The following MDH1B variants were observed in gnomAD, a reference collection of about 807,000 sequenced individuals.
MDH1B encodes the protein malate dehydrogenase 1B, also known as putative malate dehydrogenase 1B.
A neutral mutation model predicts 61.4 loss-of-function variants in MDH1B; 60 were observed. The observed-to-expected ratio is 0.98, with a 90% CI of 0.79 to 1.21. The LOEUF is 1.21. MDH1B is among the 50% of genes most tolerant of loss of function. The pLI, the probability that MDH1B is intolerant of heterozygous loss-of-function variation, is 0.00. For missense variants in MDH1B, 587 were observed against 632.1 expected, an observed-to-expected ratio of 0.93 and a Z score of 0.76; for synonymous variants, 236 against 218.7, an observed-to-expected ratio of 1.08 and a Z score of -0.70.
At chr2:206,763,480 A>C (rs1689225035) in intron 1 of MDH1B, among the ~76,000 whole-genome samples, 1 of 151,990 alleles carries the variant, frequency 6.6e-6, no homozygotes, top group South Asian at 2.1e-4. Flanking sequence ...TAGTCTCCTA[A>C]CTGGTTTCTT....
chr2:206,753,869 C>T (rs965595055), intron 5 of MDH1B, among the ~76,000 whole-genome samples: 18 of 149,644 alleles, frequency 1.2e-4, no homozygotes, highest in Admixed American at 2.7e-4. Flanking sequence ...CCCAACCCCC[C>T]TCAACCCCAC....
In MDH1B at chr2:206,765,286, CAG is replaced by C. The variant is rs759980276; in HGVS notation, c.-17_-16del. ...AATTTGGCCATGGTCGAGAGAGACT[CAG>C]AGGCAGGGACCGCGGCTTCGCGGTT... On this transcript the variant is annotated 5_prime_UTR_variant, in exon 1 of 12. Transcript: ENST00000374412. 1.3e-6 allele frequency: 2 copies of C among 1,597,970 alleles called. No individual in the cohort carries two copies. The highest frequency in any genetic ancestry group is 1.1e-5 in the South Asian group (1 of 88,934).
intron 2 of MDH1B, among the ~76,000 whole-genome samples, chr2:206,758,674 GA>G (rs1385900869): frequency 6.6e-6 from 1 of 152,086 alleles, no homozygotes; most frequent in Non-Finnish European, 1.5e-5. Context: ...GCTGAGGCAG[GA>G]GAATTGCTTG....
chr2:206,752,792 CT>C (rs35837110), intron 5 of MDH1B, among the ~76,000 whole-genome samples: 95,189 of 140,612 alleles, frequency 0.68, 32,356 homozygotes, highest in East Asian at 0.94. Flanking sequence ...TCCCCTCCTC[CT>C]TTTTTTTTTT....
At chr2:206,758,329 G>A (rs547763671) in intron 2 of MDH1B, among the ~76,000 whole-genome samples, 75 of 152,278 alleles carry the variant, frequency 4.9e-4, no homozygotes, top group Non-Finnish European at 9.8e-4. Context: ...ATCACTTTTC[G>A]GCAATTCAAG....
rs1250670294 is a variant in MDH1B, at chr2:206,746,442, A to ACAAAG, written c.1217-21_1217-17dup. 1 of 1,601,746 alleles carries ACAAAG rather than the reference A, an allele frequency of 6.2e-7. No homozygotes were observed. Among genetic ancestry groups the ACAAAG allele is most frequent in the African/African-American group, 1.3e-5 (1 of 74,446 alleles). ...CCAAACTGGCCTGCAGTGAGCAAAC[A>ACAAAG]CAAAGCAAAGCAATGCAGCAGAACT... On this transcript the variant is annotated splice_polypyrimidine_tract_variant and intron_variant, in intron 7 of 11. Coordinates refer to ENST00000374412, the MANE Select transcript of MDH1B (RefSeq NM_001039845.3).
chr2:206,739,054 G>A (rs1271906432), intron 11 of MDH1B, among the ~76,000 whole-genome samples: 1 of 152,168 alleles, frequency 6.6e-6, no homozygotes, highest in Non-Finnish European at 1.5e-5. Flanking sequence ...CAGATTACTT[G>A]TGTCAATTTC....
chr2:206,748,920 G>A, intron 7 of MDH1B, 100 bp downstream of exon 7: 1 of 953,522 alleles, frequency 1.0e-6, no homozygotes, highest in Non-Finnish European at 1.6e-6. Flanking sequence ...GCAGCTAATG[G>A]ACCATGTTAA....
chr2:206,743,358 CT>C (rs1231067963), intron 9 of MDH1B, among the ~76,000 whole-genome samples: 1 of 152,164 alleles, frequency 6.6e-6, no homozygotes. Flanking sequence ...GCCTTCAGGT[CT>C]TTTACATCAT....
chr2:206,761,315 T>A (rs4142222), intron 1 of MDH1B, among the ~76,000 whole-genome samples: 1 of 152,188 alleles, frequency 6.6e-6, no homozygotes, highest in African/African-American at 2.4e-5. Flanking sequence ...GGCTGCTAAC[T>A]ACTACTAATT....
chr2:206,765,156 G>A lies in MDH1B; in HGVS notation c.22+94C>T, dbSNP rs777793747. ...ATAAATCTATAGCAAAGCATGGAGC[G>A]GTCCGTATAGAGGCTGCCAAGCCGA... is the stretch of plus-strand genomic sequence containing the variant. On this transcript the variant is annotated intron_variant, in intron 1 of 11. Transcript: ENST00000374412. 1.3e-4 allele frequency: 184 copies of A among 1,441,836 alleles called. 1 individual carries two copies. The highest frequency in any genetic ancestry group is 1.6e-4 in the Non-Finnish European group (172 of 1,063,290). 89.3% of individuals were successfully genotyped at this position (1,441,836 alleles called of 1,614,324 possible). A position where few individuals can be genotyped will look rare whatever the true frequency, so the allele number is the denominator to read the frequency against.
intron 7 of MDH1B, among the ~76,000 whole-genome samples, chr2:206,748,665 T>C (rs1244295537): frequency 6.6e-6 from 1 of 152,212 alleles, no homozygotes; most frequent in Non-Finnish European, 1.5e-5. Flanking sequence ...TTATGAAGCC[T>C]GTCCTGGTTC....
intron 9 of MDH1B, chr2:206,745,215 C>A (rs905747301): frequency 3.7e-5 from 12 of 323,152 alleles, no homozygotes; most frequent in African/African-American, 2.6e-4. Flanking sequence ...CAACCCAAAG[C>A]TAGAAAAAGC....
rs1388058011 is a variant in MDH1B, at chr2:206,745,672, T to C, written c.1358A>G (p.Glu453Gly). 2.5e-6 allele frequency: 4 copies of C among 1,608,282 alleles called. No individual in the cohort carries two copies. Among genetic ancestry groups the C allele is most frequent in the Admixed American group, 1.7e-5 (1 of 59,924 alleles). ...MTRMTSDLIQEKLVALGDKIH... is the reference protein window; with the variant it reads ...MTRMTSDLIQGKLVALGDKIH... ...CTTGTCTCCAAGTGCAACAAGTTTCTCCTGTTGAAATTTTATAATCACAGA... is the reference window on the plus strand; with the variant it reads ...CTTGTCTCCAAGTGCAACAAGTTTCCCCTGTTGAAATTTTATAATCACAGA... Residue 453 changes from glutamate (E) to glycine (G), a missense_variant and splice_region_variant, in exon 9 of 12, where the codon GAG (glutamate) becomes GGG (glycine). By Grantham distance (98) the Glu-to-Gly change is moderately conservative (BLOSUM62 -2). Transcript: ENST00000374412.
chr2:206,758,626 C>A (rs1029920687), intron 2 of MDH1B, among the ~76,000 whole-genome samples: 1 of 151,914 alleles, frequency 6.6e-6, no homozygotes, highest in African/African-American at 2.4e-5. Context: ...TTTAGCCAGG[C>A]GTGGTGATGG....
intron 11 of MDH1B, among the ~76,000 whole-genome samples, chr2:206,739,042 T>C (rs1263664222): frequency 1.3e-5 from 2 of 152,214 alleles, no homozygotes; most frequent in Non-Finnish European, 2.9e-5. Context: ...AATCTGGACA[T>C]GCAGATTACT....
In MDH1B at chr2:206,749,268, A is replaced by G. The variant is rs977522056; in HGVS notation, c.1053-85T>C. On this transcript the variant is annotated intron_variant, in intron 6 of 11. Transcript: ENST00000374412. ...GTTCCCTGGCTCAGTGGAACTAAGTATCAGAAACCTAATCCACAGTCAAAA... is the reference window on the plus strand; with the variant it reads ...GTTCCCTGGCTCAGTGGAACTAAGTGTCAGAAACCTAATCCACAGTCAAAA... 6 of 1,105,938 alleles carry G rather than the reference A, an allele frequency of 5.4e-6. No homozygotes were observed. The African/African-American group carries it at 6.3e-5, about 12-fold the overall frequency. The allele number at this position is 1,105,938 out of a possible 1,614,324, so 68.5% of individuals were successfully genotyped here. A position where few individuals can be genotyped will look rare whatever the true frequency, so the allele number is the denominator to read the frequency against.
intron 7 of MDH1B, among the ~76,000 whole-genome samples, chr2:206,747,572 C>G (rs1298720406): frequency 6.6e-6 from 1 of 152,168 alleles, no homozygotes; most frequent in Non-Finnish European, 1.5e-5. Context: ...ATATAAAATG[C>G]TTCTCCTGTG....
rs371675375 is a variant in MDH1B at position 206,745,608 on chromosome 2, G to A, written c.1408+14C>T. On this transcript the variant is annotated intron_variant, in intron 9 of 11. Coordinates refer to ENST00000374412, the MANE Select transcript of MDH1B (RefSeq NM_001039845.3). The stretch of plus-strand genomic sequence containing the variant: ...TAATAGCAGTCCAATAAAACATCAC[G>A]TCTAAGAGCTTACCTGATTGGTATG... 43 of 1,598,414 alleles carry A rather than the reference G, an allele frequency of 2.7e-5. No homozygotes were observed. The highest frequency in any genetic ancestry group is 1.7e-4 in the Middle Eastern group (1 of 6,042).
Sources: gnomAD v4.1 joint callset for allele counts (sites outside exome capture counted in the v4.1 genomes callset) on GRCh38, gnomAD v4.1.1 for gene constraint, MANE v1.5 for transcripts, NCBI Gene and HGNC (gene_info 2026-07-23, HGNC 2026-07-21) for gene names.